The following KCNB2 variants were observed in gnomAD, a reference collection of about 807,000 sequenced individuals.
KCNB2 encodes the protein potassium voltage-gated channel subfamily B member 2.
Under a neutral mutation model 61.5 loss-of-function variants are expected in KCNB2, and 15 were observed. That is an observed-to-expected ratio of 0.24 (90% CI 0.16 to 0.38). KCNB2 has a LOEUF of 0.38. Among genes scored for constraint, KCNB2 ranks in the 10% least tolerant of loss-of-function variants. The pLI, the probability that KCNB2 is intolerant of heterozygous loss-of-function variation, is 1.00. For missense variants in KCNB2, 828 were observed against 1,125.2 expected, an observed-to-expected ratio of 0.74 and a Z score of 3.78; for synonymous variants, 457 against 446.0, an observed-to-expected ratio of 1.02 and a Z score of -0.31.
At chr8:72,748,367 A>G (rs2249942) in intron 2 of KCNB2, among the ~76,000 whole-genome samples, 53,094 of 151,904 alleles carry the variant, frequency 0.35, 9,554 homozygotes, top group African/African-American at 0.38. Flanking sequence ...AGACCTCCCA[A>G]CCTTTCTCTG....
At chr8:72,862,241 GCCA>G (rs1342499171) in intron 2 of KCNB2, among the ~76,000 whole-genome samples, 6 of 152,036 alleles carry the variant, frequency 3.9e-5, no homozygotes, top group African/African-American at 7.2e-5. Context: ...AAAAAAAATG[GCCA>G]CCATTTTTAA....
intron 2 of KCNB2, among the ~76,000 whole-genome samples, chr8:72,909,446 A>G (rs1806242884): frequency 1.3e-5 from 2 of 152,152 alleles, no homozygotes; most frequent in African/African-American, 4.8e-5. Context: ...GCACAGGGGC[A>G]AAAGGTGAGG....
chr8:72,587,591 A>G (rs1313630028), intron 2 of KCNB2, among the ~76,000 whole-genome samples: 2 of 152,048 alleles, frequency 1.3e-5, no homozygotes, highest in Non-Finnish European at 1.5e-5. Flanking sequence ...TTAGCTGGGT[A>G]TGGTGTCCTG....
rs1806973124 is a variant in KCNB2, at chr8:72,938,219, T to G, written c.*128T>G. The G allele has an allele frequency of 1.4e-6, 1 of 692,732 alleles. No individual in the cohort carries two copies. The highest frequency in any genetic ancestry group is 2.8e-5 in the Admixed American group (1 of 35,092). The allele number at this position is 692,732 out of a possible 1,614,324, so 42.9% of individuals were successfully genotyped here. On this transcript the variant is annotated 3_prime_UTR_variant, in exon 3 of 3. Coordinates refer to ENST00000523207, the MANE Select transcript of KCNB2 (RefSeq NM_004770.3). ...TCCCCAAAAAAAGTGCATAAAATGT[T>G]ATTTTTGCATGGCATGAACAGTTTA... is the stretch of plus-strand genomic sequence containing the variant.
intron 2 of KCNB2, among the ~76,000 whole-genome samples, chr8:72,752,826 A>G (rs1215772033): frequency 2.6e-5 from 4 of 152,156 alleles, no homozygotes; most frequent in Admixed American, 6.5e-5. Flanking sequence ...CCAATTTCCA[A>G]TCCTTCCAAG....
chr8:72,853,400 C>G (rs1260686240), intron 2 of KCNB2, among the ~76,000 whole-genome samples: 1 of 152,226 alleles, frequency 6.6e-6, no homozygotes, highest in African/African-American at 2.4e-5. Context: ...TGACCTCCAG[C>G]TGAGACCATA....
intron 2 of KCNB2, among the ~76,000 whole-genome samples, chr8:72,654,427 A>T (rs916942647): frequency 3.3e-5 from 5 of 152,204 alleles, no homozygotes; most frequent in African/African-American, 1.2e-4. Context: ...GTATCCCCAC[A>T]ATCTCTAGAA....
chr8:72,703,345 A>G lies in KCNB2; in HGVS notation c.579+135032A>G, dbSNP rs148408890. On this transcript the variant is annotated intron_variant, in intron 2 of 2. Transcript: ENST00000523207. ...TGATTAGGAAGTGCCCCTGGACTCAACACCTGTGGGAGAACATAGAGGAGC... is the reference window on the plus strand; with the variant it reads ...TGATTAGGAAGTGCCCCTGGACTCAGCACCTGTGGGAGAACATAGAGGAGC... Among the ~76,000 whole-genome samples, 13 of 152,310 alleles carry G rather than the reference A, an allele frequency of 8.5e-5. No homozygotes were observed. In the East Asian group the frequency reaches 2.3e-3, roughly 27 times the overall value.
At chr8:72,650,942 A>G (rs1806201829) in intron 2 of KCNB2, among the ~76,000 whole-genome samples, 1 of 152,162 alleles carries the variant, frequency 6.6e-6, no homozygotes, top group Non-Finnish European at 1.5e-5. Context: ...TATTTAATAG[A>G]CGAATACATT....
intron 2 of KCNB2, among the ~76,000 whole-genome samples, chr8:72,733,345 T>C: frequency 6.6e-6 from 1 of 152,108 alleles, no homozygotes; most frequent in Non-Finnish European, 1.5e-5. Context: ...TGTAGATAAT[T>C]GACATACTCC....
chr8:72,596,027 C>T (rs756402135), intron 2 of KCNB2, among the ~76,000 whole-genome samples: 37 of 152,162 alleles, frequency 2.4e-4, no homozygotes, highest in Non-Finnish European at 2.9e-5. Flanking sequence ...TGTTCACCAC[C>T]GAATCTAATA....
intron 2 of KCNB2, among the ~76,000 whole-genome samples, chr8:72,853,527 G>A (rs1016656074): frequency 6.6e-6 from 1 of 152,138 alleles, no homozygotes; most frequent in African/African-American, 2.4e-5. Context: ...TGGCTCTAGG[G>A]AACCTGACCC....
chr8:72,579,074 T>G (rs1313919008), intron 2 of KCNB2, among the ~76,000 whole-genome samples: 2 of 152,266 alleles, frequency 1.3e-5, no homozygotes, highest in Non-Finnish European at 2.9e-5. Context: ...GGAAATGTCT[T>G]TCTTTCTTCC....
chr8:72,667,082 G>A (rs1034794143), intron 2 of KCNB2, among the ~76,000 whole-genome samples: 1 of 151,886 alleles, frequency 6.6e-6, no homozygotes, highest in African/African-American at 2.4e-5. Context: ...GAGATACTTC[G>A]GGCAAGTTAT....
intron 2 of KCNB2, among the ~76,000 whole-genome samples, chr8:72,778,800 AAAAG>A (rs917635481): frequency 4.6e-5 from 7 of 150,972 alleles, no homozygotes; most frequent in East Asian, 2.0e-4. Context: ...AAGAAAAAGA[AAAAG>A]AAAGAATTCT....
intron 2 of KCNB2, among the ~76,000 whole-genome samples, chr8:72,598,826 A>G (rs1199867556): frequency 6.6e-6 from 1 of 152,238 alleles, no homozygotes; most frequent in Non-Finnish European, 1.5e-5. Flanking sequence ...GAGCCAAATC[A>G]TGAGTGAACT....
At chr8:72,583,121 T>C (rs898260366) in intron 2 of KCNB2, among the ~76,000 whole-genome samples, 1 of 152,224 alleles carries the variant, frequency 6.6e-6, no homozygotes, top group Non-Finnish European at 1.5e-5. Context: ...TCAAAAATGC[T>C]TTTTATCAGC....
chr8:72,843,764 CT>C (rs956219908), intron 2 of KCNB2, among the ~76,000 whole-genome samples: 57 of 151,968 alleles, frequency 3.8e-4, no homozygotes, highest in Non-Finnish European at 5.7e-4. Context: ...GCAACCCCTG[CT>C]TTTTTTTGCT....
chr8:72,864,139 A>G (rs2129004244), intron 2 of KCNB2, among the ~76,000 whole-genome samples: 1 of 152,260 alleles, frequency 6.6e-6, no homozygotes, highest in South Asian at 2.1e-4. Context: ...CTGATTCCCT[A>G]ATCCTGATTC....
Sources: gnomAD v4.1 joint callset for allele counts (sites outside exome capture counted in the v4.1 genomes callset) on GRCh38, gnomAD v4.1.1 for gene constraint, MANE v1.5 for transcripts, NCBI Gene and HGNC (gene_info 2026-07-23, HGNC 2026-07-21) for gene names.